CYP2J2: variants seen among roughly 807,000 people sequenced by gnomAD.
CYP2J2 encodes cytochrome P450 2J2.
Under a neutral mutation model 48.8 loss-of-function variants are expected in CYP2J2, and 41 were observed. That is an observed-to-expected ratio of 0.84 (90% CI 0.66 to 1.09). CYP2J2 has a LOEUF of 1.09. CYP2J2 is among the 50% of genes least tolerant of loss of function. The pLI, the probability that CYP2J2 is intolerant of heterozygous loss-of-function variation, is 0.00. For synonymous variants in CYP2J2, 221 were observed against 227.1 expected (o/e 0.97, Z 0.24); for missense variants, 644 against 617.3 (o/e 1.04, Z -0.46).
the CYP2J2 span, among the ~76,000 whole-genome samples, chr1:59,963,673 G>A: frequency 5.3e-5 from 8 of 152,040 alleles, no homozygotes; most frequent in South Asian, 2.1e-4. Context: ...TGTTCAACCC[G>A]TTTTCAACTG....
At chr1:59,944,367 C>T in the CYP2J2 span, among the ~76,000 whole-genome samples, 3 of 152,144 alleles carry the variant, frequency 2.0e-5, no homozygotes, top group Middle Eastern at 3.2e-3. Flanking sequence ...GGACTACAGG[C>T]ATGCGCCACC....
chr1:59,966,059 A>C, the CYP2J2 span, among the ~76,000 whole-genome samples: 1 of 152,128 alleles, frequency 6.6e-6, no homozygotes, highest in South Asian at 2.1e-4. Context: ...TGGCAGGGTT[A>C]ATTTATTTTG....
chr1:59,940,388 C>T, the CYP2J2 span, among the ~76,000 whole-genome samples: 2 of 152,154 alleles, frequency 1.3e-5, no homozygotes, highest in Non-Finnish European at 2.9e-5. Context: ...CCTGGAAAGG[C>T]GGTCTCATGA....
At chr1:59,926,928 G>A, upstream of CYP2J2, 1 of 613,690 alleles carries the variant, frequency 1.6e-6, no homozygotes. Flanking sequence ...GAAAAGGCCA[G>A]GCTAGGAGCA....
the CYP2J2 span, among the ~76,000 whole-genome samples, chr1:59,948,736 T>C: frequency 6.6e-6 from 1 of 152,230 alleles, no homozygotes; most frequent in African/African-American, 2.4e-5. Context: ...CTACCTTCAG[T>C]TTATTTGGGT....
chr1:59,951,610 A>G, the CYP2J2 span, among the ~76,000 whole-genome samples: 54 of 152,318 alleles, frequency 3.5e-4, no homozygotes, highest in African/African-American at 1.3e-3. Flanking sequence ...GTAGTAATTA[A>G]CAAATACTAA....
chr1:59,912,063 C>A, intron 3 of CYP2J2, 99 bp downstream of exon 3: 1 of 1,286,698 alleles, frequency 7.8e-7, no homozygotes, highest in Non-Finnish European at 1.1e-6. Flanking sequence ...ATTCCTAGCA[C>A]AGTGCTGGGC....
At chr1:59,904,833 C>A in intron 7 of CYP2J2, 38 bp downstream of exon 7, 2 of 1,557,228 alleles carry the variant, frequency 1.3e-6, no homozygotes, top group African/African-American at 1.4e-5. Flanking sequence ...CAAGTTTCTA[C>A]CCCCCTAAAA....
At chr1:59,928,129 C>T (rs148760256), upstream of CYP2J2, among the ~76,000 whole-genome samples, 1 of 152,098 alleles carries the variant, frequency 6.6e-6, no homozygotes, top group African/African-American at 2.4e-5. Context: ...ATTACTATGC[C>T]ACAATTTATT....
intron 6 of CYP2J2, among the ~76,000 whole-genome samples, chr1:59,905,774 A>AAAT (rs1345190686): frequency 6.6e-6 from 1 of 152,218 alleles, no homozygotes; most frequent in East Asian, 1.9e-4. Context: ...GTGTGACCAG[A>AAAT]TAGGACTGCT....
rs543408086 is a variant in CYP2J2, at chr1:59,903,839, T to G, written c.1191+1032A>C. Among the ~76,000 whole-genome samples the G allele has an allele frequency of 2.6e-5, 4 of 152,268 alleles. No individual in the cohort carries two copies. In the East Asian group the frequency reaches 7.7e-4, roughly 29 times the overall value. On this transcript the variant is annotated intron_variant, in intron 7 of 8. Coordinates refer to ENST00000371204, the MANE Select transcript of CYP2J2 (RefSeq NM_000775.4). ...AACAGATCTGCTTCCAGATCCCAAC[T>G]CTTCATAGTTGAGAGATCTCATGCA...
At chr1:59,928,463 G>A (rs913121070), upstream of CYP2J2, among the ~76,000 whole-genome samples, 2 of 152,152 alleles carry the variant, frequency 1.3e-5, no homozygotes, top group African/African-American at 4.8e-5. Flanking sequence ...AGATCAACGT[G>A]ACAGAAACCC....
At chr1:59,925,603 T>C (rs1644556720) in intron 1 of CYP2J2, among the ~76,000 whole-genome samples, 1 of 152,204 alleles carries the variant, frequency 6.6e-6, no homozygotes, top group Non-Finnish European at 1.5e-5. Context: ...GGGCTTAGTT[T>C]TAACATTCTG....
the CYP2J2 span, among the ~76,000 whole-genome samples, chr1:59,964,882 A>T: frequency 3.9e-5 from 6 of 152,318 alleles, no homozygotes; most frequent in Non-Finnish European, 7.3e-5. Flanking sequence ...ATGTGGAGAA[A>T]TTTATATTGG....
intron 1 of CYP2J2, among the ~76,000 whole-genome samples, chr1:59,919,927 G>A (rs1644499138): frequency 6.6e-6 from 1 of 152,092 alleles, no homozygotes; most frequent in African/African-American, 2.4e-5. Flanking sequence ...TATCATACAT[G>A]GAGGTAATAC....
the CYP2J2 span, among the ~76,000 whole-genome samples, chr1:59,965,962 C>A: frequency 1.3e-5 from 2 of 152,150 alleles, no homozygotes; most frequent in African/African-American, 2.4e-5. Context: ...TGGGTGTACC[C>A]AAATTCTGAC....
At chr1:59,950,078 G>A in the CYP2J2 span, among the ~76,000 whole-genome samples, 1 of 152,136 alleles carries the variant, frequency 6.6e-6, no homozygotes, top group South Asian at 2.1e-4. Flanking sequence ...ATTGCACTTT[G>A]AGCTGAATGG....
chr1:59,911,268 G>A (rs1644411426), intron 4 of CYP2J2, among the ~76,000 whole-genome samples: 1 of 152,132 alleles, frequency 6.6e-6, no homozygotes, highest in African/African-American at 2.4e-5. Flanking sequence ...AGGGAGGAGG[G>A]AAATGGACGA....
Position 59,907,908 on chromosome 1 carries a change from G to A in CYP2J2, c.881C>T (p.Ser294Leu). The change falls in exon 6 of 9, where the codon TCA becomes TTA. Residue 294 changes from serine (S) to leucine (L), a missense_variant. Coordinates refer to ENST00000371204, the MANE Select transcript of CYP2J2 (RefSeq NM_000775.4). Reference sequence around the variant, plus strand: ...GATGAGGTTTTCTTCATGGAAACTTGAAGTAGGATTGCCTGTGTGCTAGAA... The same window carrying A: ...GATGAGGTTTTCTTCATGGAAACTTAAAGTAGGATTGCCTGTGTGCTAGAA... ...EMSKHTGNPT[S>L]SFHEENLICS... 3 of 1,614,122 alleles carry A rather than the reference G, an allele frequency of 1.9e-6. No individual in the cohort carries two copies. The highest frequency in any genetic ancestry group is 4.5e-5 in the East Asian group (2 of 44,886).
Sources: allele counts gnomAD v4.1 joint callset (sites outside exome capture counted in the v4.1 genomes callset), GRCh38; gene constraint gnomAD v4.1.1; transcripts MANE v1.5; gene names NCBI Gene and HGNC (gene_info 2026-07-23, HGNC 2026-07-21).